The following NDUFAF6 variants were observed in gnomAD, a reference collection of about 807,000 sequenced individuals.
NDUFAF6 encodes NADH dehydrogenase (ubiquinone) complex I, assembly factor 6.
A neutral mutation model predicts 40.8 loss-of-function variants in NDUFAF6; 45 were observed. That is an observed-to-expected ratio of 1.10 (90% confidence interval 0.87 to 1.42). NDUFAF6 has a LOEUF of 1.42. Ranked by LOEUF, NDUFAF6 falls within the 40% of genes most tolerant of loss-of-function variation. The probability of loss-of-function intolerance (pLI) is 0.00; values close to 1 mark genes in which losing one functional copy is unlikely to be tolerated. For synonymous variants in NDUFAF6, 185 were observed against 155.9 expected (o/e 1.19, Z -1.39); for missense variants, 435 against 418.5 (o/e 1.04, Z -0.34).
At chr8:95,060,999 G>C (rs1039787733), downstream of NDUFAF6, among the ~76,000 whole-genome samples, 3 of 152,096 alleles carry the variant, frequency 2.0e-5, no homozygotes, top group Non-Finnish European at 4.4e-5. Context: ...CAGAGGAGAT[G>C]GCATGTGAAT....
intron 9 of NDUFAF6, chr8:95,075,605 G>T: frequency 7.8e-7 from 1 of 1,287,698 alleles, no homozygotes; most frequent in Non-Finnish European, 1.0e-6. Context: ...TTGGCTTGGT[G>T]AATAAGTGTC....
intron 2 of NDUFAF6, among the ~76,000 whole-genome samples, chr8:95,094,947 G>GT (rs1249481902): frequency 2.1e-5 from 3 of 145,548 alleles, no homozygotes; most frequent in African/African-American, 8.4e-5. Context: ...GAGTTTGGGG[G>GT]TGGCGGGGGG....
At chr8:95,022,977 C>T (rs947727303), upstream of NDUFAF6, among the ~76,000 whole-genome samples, 7 of 152,124 alleles carry the variant, frequency 4.6e-5, no homozygotes, top group East Asian at 1.9e-4. Context: ...ATAACCTAAT[C>T]GCAGGAGTGA....
At chr8:94,939,850 T>G in intron 1 of NDUFAF6, 3 of 1,605,166 alleles carry the variant, frequency 1.9e-6, no homozygotes, top group Non-Finnish European at 2.6e-6. Context: ...GTTAAATACT[T>G]GTAACGTACC....
At chr8:94,912,129 A>T (rs1818823988) in intron 1 of NDUFAF6, among the ~76,000 whole-genome samples, 1 of 152,220 alleles carries the variant, frequency 6.6e-6, no homozygotes, top group African/African-American at 2.4e-5. Context: ...GCCAGAATTT[A>T]ACAGTGGTCT....
rs148361198 is a variant in NDUFAF6 at position 94,966,317 on chromosome 8, G to A, written c.-199+8138G>A. Among the ~76,000 whole-genome samples the A allele has an allele frequency of 5.5e-3, 832 of 152,312 alleles. 6 individuals carry two copies. The highest frequency in any genetic ancestry group is 0.019 in the African/African-American group (791 of 41,574). ...ATACATGTAACAGGAAGGACGGCCA[G>A]GCATGATGGCTCATGCCTGTAACCC... On this transcript the variant is annotated intron_variant, in intron 1 of 9. Coordinates refer to the NDUFAF6 transcript ENST00000396111.
intron 1 of NDUFAF6, among the ~76,000 whole-genome samples, chr8:94,907,417 G>T (rs142813364): frequency 4.6e-5 from 7 of 152,168 alleles, no homozygotes; most frequent in Admixed American, 2.0e-4. Context: ...AGGAGTCCTC[G>T]TGCTGTGTGA....
intron 1 of NDUFAF6, among the ~76,000 whole-genome samples, chr8:94,974,390 A>G (rs909501696): frequency 2.6e-5 from 4 of 152,134 alleles, no homozygotes; most frequent in Non-Finnish European, 5.9e-5. Flanking sequence ...GATTCAAAGA[A>G]ACTTGCCCCC....
At chr8:95,089,640 C>A (rs1215791274) in intron 2 of NDUFAF6, among the ~76,000 whole-genome samples, 1 of 152,038 alleles carries the variant, frequency 6.6e-6, no homozygotes, top group African/African-American at 2.4e-5. Flanking sequence ...CCCAGTGAAA[C>A]CCTCCGTAAC....
At chr8:94,965,638 G>C (rs1298982405) in intron 1 of NDUFAF6, among the ~76,000 whole-genome samples, 1 of 152,178 alleles carries the variant, frequency 6.6e-6, no homozygotes, top group Non-Finnish European at 1.5e-5. Context: ...TCACGGTTCT[G>C]GGATAAAAAC....
upstream of NDUFAF6, among the ~76,000 whole-genome samples, chr8:94,956,740 T>A (rs529511238): frequency 6.6e-6 from 1 of 151,338 alleles, no homozygotes; most frequent in African/African-American, 2.4e-5. Flanking sequence ...GAGGGGGAGG[T>A]AAATGAATGA....
At chr8:94,911,434 T>C (rs1274617824) in intron 1 of NDUFAF6, among the ~76,000 whole-genome samples, 2 of 152,238 alleles carry the variant, frequency 1.3e-5, no homozygotes, top group African/African-American at 4.8e-5. Flanking sequence ...TCCTCCCACA[T>C]AAGTGATTTG....
chr8:94,914,103 C>CTTT lies in NDUFAF6; in HGVS notation c.-936+18197_-936+18199dup, dbSNP rs563687562. 1.4e-3 allele frequency among the ~76,000 whole-genome samples: 139 copies of CTTT among 98,124 alleles called. 1 individual carries two copies. The highest frequency in any genetic ancestry group is 1.9e-3 in the African/African-American group (48 of 25,390). 64.4% of individuals were successfully genotyped at this position (98,124 alleles called of 152,430 possible). The stretch of plus-strand genomic sequence containing the variant: ...CCGCGCCCGGCCTGAGACCTTATCT[C>CTTT]TTTTTTTTTTTTTTTTTTTTTTTCA... On this transcript the variant is annotated intron_variant, in intron 1 of 14. Coordinates refer to the NDUFAF6 transcript ENST00000396113.
At chr8:95,036,073 A>G (rs1829466305) in intron 3 of NDUFAF6, among the ~76,000 whole-genome samples, 1 of 152,204 alleles carries the variant, frequency 6.6e-6, no homozygotes, top group Admixed American at 6.5e-5. Flanking sequence ...CTAGTTTGAT[A>G]GAATTATCTA....
intron 2 of NDUFAF6, among the ~76,000 whole-genome samples, chr8:94,993,086 C>T (rs1826264841): frequency 5.9e-5 from 9 of 152,180 alleles, no homozygotes. Flanking sequence ...GTTTGAAGGG[C>T]TGATTACTTC....
At chr8:94,919,384 T>A (rs1284682634) in intron 1 of NDUFAF6, among the ~76,000 whole-genome samples, 1 of 152,184 alleles carries the variant, frequency 6.6e-6, no homozygotes, top group East Asian at 1.9e-4. Context: ...CCATAATTAC[T>A]GGTTCTTGTT....
chr8:95,075,795 C>A, exon 10 of NDUFAF6: 2 of 904,446 alleles, frequency 2.2e-6, no homozygotes, highest in Non-Finnish European at 3.1e-6. Flanking sequence ...AGCTCTAGGC[C>A]AATCTTGCTT....
chr8:94,953,466 C>T (rs1212778233), upstream of NDUFAF6, among the ~76,000 whole-genome samples: 2 of 152,196 alleles, frequency 1.3e-5, no homozygotes, highest in South Asian at 2.1e-4. Context: ...TCCAAGGAGC[C>T]ATGAAGCTTG....
chr8:94,963,108 G>C (rs181947152), intron 1 of NDUFAF6, among the ~76,000 whole-genome samples: 2 of 151,878 alleles, frequency 1.3e-5, no homozygotes, highest in East Asian at 1.9e-4. Flanking sequence ...ACTCCTTTTC[G>C]TGTGAGAAAA....
Sources: gnomAD v4.1 joint callset for allele counts (sites outside exome capture counted in the v4.1 genomes callset) on GRCh38, gnomAD v4.1.1 for gene constraint, MANE v1.5 for transcripts, NCBI Gene and HGNC (gene_info 2026-07-23, HGNC 2026-07-21) for gene names.